The following UNC45B variants were observed in gnomAD, a reference collection of about 807,000 sequenced individuals.
The protein encoded by UNC45B is unc-45 myosin chaperone B.
UNC45B carries 78 observed loss-of-function variants against 98.7 expected under a neutral mutation model. The ratio of observed to expected loss-of-function variants is 0.79; its 90% CI spans 0.66 to 0.95. UNC45B has a LOEUF of 0.95. UNC45B is among the 40% of genes least tolerant of loss of function. The pLI, the probability that UNC45B is intolerant of heterozygous loss-of-function variation, is 0.00. For missense variants in UNC45B, 1,225 were observed against 1,184.9 expected (o/e 1.03, Z -0.50); for synonymous variants, 462 against 480.4 (o/e 0.96, Z 0.50).
intron 15 of UNC45B, 145 bp from the exon 16 acceptor site, chr17:35,176,872 G>GT: frequency 1.7e-6 from 1 of 598,420 alleles, no homozygotes; most frequent in East Asian, 2.7e-5. Flanking sequence ...GGATTTAATT[G>GT]TTTTCCATGA....
chr17:35,167,986 C>A, intron 9 of UNC45B, 75 bp from the exon 10 acceptor site: 1 of 1,350,312 alleles, frequency 7.4e-7, no homozygotes, highest in Non-Finnish European at 9.7e-7. Context: ...AATCCAAATC[C>A]TACTGCCTCC....
intron 9 of UNC45B, among the ~76,000 whole-genome samples, chr17:35,166,432 C>G (rs1264295575): frequency 6.6e-6 from 1 of 152,134 alleles, no homozygotes; most frequent in African/African-American, 2.4e-5. Flanking sequence ...CTTCTTGAGT[C>G]CCTCATGAGG....
intron 4 of UNC45B, among the ~76,000 whole-genome samples, chr17:35,152,201 G>A (rs755949565): frequency 1.3e-5 from 2 of 152,074 alleles, no homozygotes; most frequent in African/African-American, 2.4e-5. Context: ...AGCAGAGATC[G>A]TGCCACTGCG....
Position 35,174,199 on chromosome 17 carries a change from G to A in UNC45B, c.1831-43G>A, listed in dbSNP as rs758625310. 1.1e-5 allele frequency: 17 copies of A among 1,612,926 alleles called. No homozygotes were observed. The African/African-American group carries it at 1.7e-4, about 16-fold the overall frequency. On this transcript the variant is annotated intron_variant, in intron 13 of 19. Coordinates refer to ENST00000394570, the MANE Select transcript of UNC45B (RefSeq NM_001267052.2). ...TTTGGTTCCAATACCGATTGGCCTG[G>A]CACCCAGGACCCTCCCACATTGCCA...
intron 13 of UNC45B, among the ~76,000 whole-genome samples, chr17:35,173,033 T>C (rs1475253014): frequency 4.6e-5 from 7 of 151,960 alleles, no homozygotes; most frequent in Non-Finnish European, 1.5e-5. Flanking sequence ...GGCAGTTGCT[T>C]GGGAAGAGGG....
In UNC45B at chr17:35,168,371, C is replaced by G. The variant is rs2142564020; in HGVS notation, c.1452+10C>G. 7.5e-7 allele frequency: 1 copy of G among 1,334,432 alleles called. No homozygotes were observed. Among genetic ancestry groups the G allele is most frequent in the African/African-American group, 1.5e-5 (1 of 66,852 alleles). 82.7% of individuals were successfully genotyped at this position (1,334,432 alleles called of 1,614,324 possible). ...GATCCGCACACTGGTGGTGAGTGGG[C>G]TCGGTACCACCCTCCTACTCAGTAC... On this transcript the variant is annotated intron_variant, in intron 10 of 19. Coordinates refer to ENST00000394570, the MANE Select transcript of UNC45B (RefSeq NM_001267052.2).
At chr17:35,178,991 T>C (rs1246980458) in intron 17 of UNC45B, among the ~76,000 whole-genome samples, 3 of 152,202 alleles carry the variant, frequency 2.0e-5, no homozygotes, top group Admixed American at 6.5e-5. Context: ...ACCCTGATGA[T>C]GCCTCCAGCT....
rs758456118 is a variant in UNC45B, at chr17:35,171,279, G to T, written c.1690-43G>T. On this transcript the variant is annotated intron_variant, in intron 12 of 19. Transcript: ENST00000394570. Reference sequence around the variant, plus strand: ...CCTGGAAGCAGAGGTTTGTCCTAAAGTTTCCTTTCTGCTTTCCCTCTCCCC... The same window carrying T: ...CCTGGAAGCAGAGGTTTGTCCTAAATTTTCCTTTCTGCTTTCCCTCTCCCC... 2.5e-6 allele frequency: 4 copies of T among 1,602,912 alleles called. No individual in the cohort carries two copies. The Admixed American group carries it at 5.1e-5, about 20-fold the overall frequency.
chr17:35,159,240 A>T, intron 7 of UNC45B, 135 bp from the exon 8 acceptor site: 1 of 887,886 alleles, frequency 1.1e-6, no homozygotes. Context: ...GCAACACTAT[A>T]CTCCCCTGGG....
chr17:35,177,441 G>A (rs760131064), intron 16 of UNC45B, 54 bp from the exon 17 acceptor site: 45 of 1,308,414 alleles, frequency 3.4e-5, no homozygotes, highest in Admixed American at 1.9e-4. Context: ...TAAATGTGAG[G>A]CACTCAGGGA....
rs1315530289 is a variant in UNC45B at position 35,165,704 on chromosome 17, G to A, written c.1151+1538G>A. On this transcript the variant is annotated intron_variant, in intron 9 of 19. Coordinates refer to ENST00000394570, the MANE Select transcript of UNC45B (RefSeq NM_001267052.2). ...TGTAATCCCAGCACTTTGGGATGCC[G>A]AGGAGCGCGGATCACCTGAGGTCAG... is the stretch of plus-strand genomic sequence containing the variant. Among the ~76,000 whole-genome samples the A allele has an allele frequency of 6.6e-5, 10 of 152,296 alleles. No individual in the cohort carries two copies. The South Asian group carries it at 1.0e-3, about 16-fold the overall frequency.
chr17:35,170,469 G>A (rs1163763288), intron 12 of UNC45B, among the ~76,000 whole-genome samples: 1 of 150,862 alleles, frequency 6.6e-6, no homozygotes, highest in Non-Finnish European at 1.5e-5. Context: ...AGATGCACAG[G>A]AGGGCAGTTT....
intron 4 of UNC45B, among the ~76,000 whole-genome samples, chr17:35,152,028 C>G (rs1264092101): frequency 6.6e-6 from 1 of 152,168 alleles, no homozygotes; most frequent in Non-Finnish European, 1.5e-5. Flanking sequence ...GGTGAATCAC[C>G]TGACATCAGG....
In UNC45B at chr17:35,170,218, A is replaced by G. The variant is rs151054559; in HGVS notation, c.1652A>G (p.Asp551Gly). 1.5e-4 allele frequency: 241 copies of G among 1,613,446 alleles called. No homozygotes were observed. Among genetic ancestry groups the G allele is most frequent in the Non-Finnish European group, 2.0e-4 (233 of 1,179,710 alleles). ...DADVKDDFVQ[D>G]VPALQAMFEL... The stretch of plus-strand genomic sequence containing the variant: ...GATGTGAAGGACGACTTTGTCCAGG[A>G]CGTCCCTGCCCTGCAGGCCATGTTT... Residue 551 changes from aspartate (D) to glycine (G), a missense_variant, in exon 12 of 20, where the codon GAC becomes GGC. Asp to Gly is a moderately conservative substitution (Grantham distance 94, BLOSUM62 -1). Transcript: ENST00000394570.
intron 4 of UNC45B, among the ~76,000 whole-genome samples, chr17:35,150,741 A>G (rs2092011569): frequency 1.3e-5 from 2 of 151,664 alleles, no homozygotes; most frequent in Admixed American, 6.6e-5. Flanking sequence ...ACAGAGCAAG[A>G]CTCTGTCTCT....
In UNC45B at chr17:35,180,675, A is replaced by T. The variant is rs1209012976; in HGVS notation, c.2372A>T (p.Glu791Val). Residue 791 changes from glutamate (E) to valine (V), a missense_variant and splice_region_variant, in exon 18 of 20, where the codon GAG becomes GTG. Coordinates refer to ENST00000394570, the MANE Select transcript of UNC45B (RefSeq NM_001267052.2). The part of the protein sequence containing the change: ...ECMCNMVLHK[E>V]VQERFLADGN... ...ATGTGCAACATGGTGCTCCACAAGG[A>T]GGTGAGGCAGGGGCTCAGGATGGAG... 1 of 1,612,186 alleles carries T rather than the reference A, an allele frequency of 6.2e-7. No individual in the cohort carries two copies. The highest frequency in any genetic ancestry group is 2.2e-5 in the East Asian group (1 of 44,764).
chr17:35,185,998 A>G (rs551839893), intron 19 of UNC45B, among the ~76,000 whole-genome samples: 1 of 152,272 alleles, frequency 6.6e-6, no homozygotes, highest in South Asian at 2.1e-4. Context: ...GCTGTGTCAT[A>G]GCATGATTTA....
At chr17:35,148,031 G>C in intron 1 of UNC45B, 121 bp downstream of exon 1, 1 of 544,300 alleles carries the variant, frequency 1.8e-6, no homozygotes. Flanking sequence ...AGGCTGGGAG[G>C]GACAGAGAGT....
At position 35,169,943 on chromosome 17, in the gene UNC45B, G is replaced by A. The variant is rs750779282; in HGVS notation, c.1547+12G>A. Reference sequence around the variant, plus strand: ...AAACAGTGTCGCAAGTAAGGGGGCTGTGTTTCCCAGGCCCTCCATCTCCTC... The same window carrying A: ...AAACAGTGTCGCAAGTAAGGGGGCTATGTTTCCCAGGCCCTCCATCTCCTC... On this transcript the variant is annotated intron_variant, in intron 11 of 19. Transcript: ENST00000394570. The A allele has an allele frequency of 1.2e-5, 20 of 1,614,158 alleles. No homozygotes were observed. The South Asian group carries it at 1.4e-4, about 12-fold the overall frequency.
Sources: allele counts gnomAD v4.1 joint callset (sites outside exome capture counted in the v4.1 genomes callset), GRCh38; gene constraint gnomAD v4.1.1; transcripts MANE v1.5; gene names NCBI Gene and HGNC (gene_info 2026-07-23, HGNC 2026-07-21).